ZC3H14: variants seen among roughly 807,000 people sequenced by gnomAD.
ZC3H14 encodes the protein zinc finger CCCH-type containing 14.
In ZC3H14, 31 loss-of-function variants were observed where a neutral mutation model predicts 92.4. The observed-to-expected ratio is 0.34, with a 90% CI of 0.25 to 0.45. The LOEUF (loss-of-function observed/expected upper bound fraction) is 0.45, where lower values mean the gene tolerates loss of function less well. Ranked by LOEUF, ZC3H14 falls within the 20% of genes least tolerant of loss-of-function variation. The pLI, the probability that ZC3H14 is intolerant of heterozygous loss-of-function variation, is 1.00. For missense variants in ZC3H14, 781 were observed against 897.3 expected (o/e 0.87, Z 1.66); for synonymous variants, 321 against 300.9 (o/e 1.07, Z -0.69).
At chr14:88,575,997 A>C (rs2081110576) in intron 8 of ZC3H14, 57 bp downstream of exon 8, 2 of 1,434,738 alleles carry the variant, frequency 1.4e-6, no homozygotes, top group Admixed American at 3.4e-5. Context: ...TTCTTGAGTA[A>C]GGTGAAAATG....
intron 12 of ZC3H14, among the ~76,000 whole-genome samples, chr14:88,605,500 T>G (rs2085250622): frequency 6.6e-6 from 1 of 152,100 alleles, no homozygotes; most frequent in Non-Finnish European, 1.5e-5. Flanking sequence ...GCCTGGCTAA[T>G]TTTTTGTATT....
At position 88,620,468 on chromosome 14, in the gene ZC3H14, G is replaced by T. The variant is rs1407924567; in HGVS notation, c.*8717G>T. On this transcript the variant is annotated 3_prime_UTR_variant, in exon 17 of 17. Coordinates refer to ENST00000251038, the MANE Select transcript of ZC3H14 (RefSeq NM_024824.5). This position sits in a 1 kb window ranked among gnomAD's most constrained non-coding sequence, Gnocchi z 4.3. ...ATAGCTCTCTTGTATTACAGTGGGAGATACCTCTTGGTGGGATGAACTTAA... is the reference window on the plus strand; with the variant it reads ...ATAGCTCTCTTGTATTACAGTGGGATATACCTCTTGGTGGGATGAACTTAA... 2 of 261,764 alleles carry T rather than the reference G, an allele frequency of 7.6e-6. No individual in the cohort carries two copies. Among genetic ancestry groups the T allele is most frequent in the Non-Finnish European group, 1.4e-5 (2 of 140,494 alleles). The allele number at this position is 261,764 out of a possible 1,614,324, so 16.2% of individuals were successfully genotyped here.
intron 10 of ZC3H14, among the ~76,000 whole-genome samples, chr14:88,598,250 A>T (rs1595744205): frequency 6.6e-6 from 1 of 151,428 alleles, no homozygotes; most frequent in Non-Finnish European, 1.5e-5. Flanking sequence ...TTGAAACTAG[A>T]CCCTGTGGTG....
intron 9 of ZC3H14, among the ~76,000 whole-genome samples, chr14:88,595,494 C>G (rs187437834): frequency 6.6e-6 from 1 of 152,268 alleles, no homozygotes; most frequent in Non-Finnish European, 1.5e-5. Context: ...GAGCATTCTT[C>G]CTGTAACTTT....
chr14:88,611,033 A>G, intron 16 of ZC3H14, 93 bp downstream of exon 16: 1 of 1,240,596 alleles, frequency 8.1e-7, no homozygotes. Flanking sequence ...ATTGGAAACT[A>G]GACTGTTACT....
At chr14:88,611,683 A>G in intron 16 of ZC3H14, 62 bp from the exon 17 acceptor site, 1 of 1,601,050 alleles carries the variant, frequency 6.2e-7, no homozygotes, top group Non-Finnish European at 8.6e-7. Context: ...TTAAACTGAG[A>G]TATATGGTAT....
At chr14:88,599,139 T>G (rs988052539) in intron 10 of ZC3H14, among the ~76,000 whole-genome samples, 2 of 152,194 alleles carry the variant, frequency 1.3e-5, no homozygotes, top group African/African-American at 4.8e-5. Context: ...TAACTGCTTC[T>G]TGGACACATC....
chr14:88,590,396 C>T lies in ZC3H14; in HGVS notation c.1280-6338C>T, dbSNP rs562459432. 167 of 153,444 alleles carry T rather than the reference C, an allele frequency of 1.1e-3. 4 individuals are homozygous for T. The highest frequency in any genetic ancestry group is 3.1e-4 in the Non-Finnish European group (21 of 68,618). The allele number at this position is 153,444 out of a possible 1,614,324, so 9.5% of individuals were successfully genotyped here. On this transcript the variant is annotated intron_variant, in intron 9 of 16. Coordinates refer to ENST00000251038, the MANE Select transcript of ZC3H14 (RefSeq NM_024824.5). Reference sequence around the variant, plus strand: ...CCTGCCTCCCTCTGCTCTGGCTCCCCGTGCTTGCTGCTGCTCCTGCACACT... The same window carrying T: ...CCTGCCTCCCTCTGCTCTGGCTCCCTGTGCTTGCTGCTGCTCCTGCACACT...
chr14:88,598,225 A>G (rs2084122569), intron 10 of ZC3H14, among the ~76,000 whole-genome samples: 1 of 152,096 alleles, frequency 6.6e-6, no homozygotes, highest in African/African-American at 2.4e-5. Context: ...GGCATGGGGC[A>G]CTTTGACTTT....
Position 88,622,940 on chromosome 14 carries a change from A to C in ZC3H14, c.*11189A>C. ...TTCAGTGAATTTTATTTTGAGAAAT[A>C]CTCTTTTTTTCTGACATGAGCATAA... is the stretch of plus-strand genomic sequence containing the variant. On this transcript the variant is annotated 3_prime_UTR_variant, in exon 17 of 17. Coordinates refer to ENST00000251038, the MANE Select transcript of ZC3H14 (RefSeq NM_024824.5). 1 of 400,546 alleles carries C rather than the reference A, an allele frequency of 2.5e-6. No individual in the cohort carries two copies. The highest frequency in any genetic ancestry group is 4.4e-6 in the Non-Finnish European group (1 of 227,354). 24.8% of individuals were successfully genotyped at this position (400,546 alleles called of 1,614,324 possible).
At chr14:88,566,972 T>C (rs2079730798) in intron 2 of ZC3H14, among the ~76,000 whole-genome samples, 1 of 151,812 alleles carries the variant, frequency 6.6e-6, no homozygotes, top group Non-Finnish European at 1.5e-5. Context: ...GGTCAGAGAT[T>C]AGAGTTCCTG....
chr14:88,567,435 T>C (rs2079842272), intron 2 of ZC3H14, among the ~76,000 whole-genome samples: 2 of 151,756 alleles, frequency 1.3e-5, no homozygotes, highest in East Asian at 1.9e-4. Context: ...TTTTTTTTTT[T>C]TTATCCTAGA....
In ZC3H14 at chr14:88,564,316, T is replaced by A. The variant is rs191132682; in HGVS notation, c.79+623T>A. Among the ~76,000 whole-genome samples, 9 of 152,342 alleles carry A rather than the reference T, an allele frequency of 5.9e-5. No individual in the cohort carries two copies. In the East Asian group the frequency reaches 1.7e-3, roughly 29 times the overall value. On this transcript the variant is annotated intron_variant, in intron 2 of 16. Coordinates refer to ENST00000251038, the MANE Select transcript of ZC3H14 (RefSeq NM_024824.5). ...TCTTTTATAATTTGAGTGTTTACTC[T>A]GGGTCAGGTACTGTGCTTAACTATT...
chr14:88,571,167 C>T, intron 4 of ZC3H14, 43 bp downstream of exon 4: 6 of 1,501,950 alleles, frequency 4.0e-6, no homozygotes, highest in Non-Finnish European at 5.4e-6. Context: ...CTTGCTATGG[C>T]ATATGATTTG....
chr14:88,602,516 A>G (rs1341787870), intron 11 of ZC3H14, among the ~76,000 whole-genome samples: 1 of 152,194 alleles, frequency 6.6e-6, no homozygotes, highest in Admixed American at 6.5e-5. Flanking sequence ...CTGAGCATTG[A>G]TGCTAATTTT....
intron 2 of ZC3H14, among the ~76,000 whole-genome samples, chr14:88,563,987 T>C (rs994585777): frequency 3.9e-5 from 6 of 152,162 alleles, no homozygotes; most frequent in East Asian, 1.9e-4. Flanking sequence ...TTTTAAATTC[T>C]AGGGACGGGT....
chr14:88,584,557 A>G (rs1416710775), intron 9 of ZC3H14, among the ~76,000 whole-genome samples: 1 of 152,220 alleles, frequency 6.6e-6, no homozygotes, highest in African/African-American at 2.4e-5. Context: ...AAGATTTACT[A>G]TAGTACATAC....
At chr14:88,576,748 C>A (rs984508822) in intron 8 of ZC3H14, among the ~76,000 whole-genome samples, 1 of 151,784 alleles carries the variant, frequency 6.6e-6, no homozygotes, top group Non-Finnish European at 1.5e-5. Flanking sequence ...TTTTTTGTGA[C>A]CCCCCTTCCT....
In ZC3H14 at chr14:88,612,424, A is replaced by C. The variant is rs2086919804; in HGVS notation, c.*673A>C. ...AATGGCAAGTGCAGAAAATAGGAAC[A>C]GTTCTATACAGTGCTCTCATTTACT... On this transcript the variant is annotated 3_prime_UTR_variant, in exon 17 of 17. Coordinates refer to ENST00000251038, the MANE Select transcript of ZC3H14 (RefSeq NM_024824.5). 6.6e-6 allele frequency: 1 copy of C among 152,308 alleles called. No individual in the cohort carries two copies. Among genetic ancestry groups the C allele is most frequent in the African/African-American group, 2.4e-5 (1 of 41,468 alleles). The allele number at this position is 152,308 out of a possible 1,614,324, so 9.4% of individuals were successfully genotyped here.
Sources: allele counts gnomAD v4.1 joint callset (sites outside exome capture counted in the v4.1 genomes callset), GRCh38; gene constraint gnomAD v4.1.1; non-coding constraint Gnocchi (gnomAD v3.1); transcripts MANE v1.5; gene names NCBI Gene and HGNC (gene_info 2026-07-23, HGNC 2026-07-21).